The following PALM2AKAP2 variants were observed in gnomAD, a reference collection of about 807,000 sequenced individuals.
PALM2AKAP2 encodes the protein PALM2-AKAP2 fusion protein.
In PALM2AKAP2, 37 loss-of-function variants were observed where a neutral mutation model predicts 71.5. That is an observed-to-expected ratio of 0.52 (90% CI 0.40 to 0.68). The LOEUF is 0.68. Among genes scored for constraint, PALM2AKAP2 ranks in the 30% least tolerant of loss-of-function variants. The pLI, the probability that PALM2AKAP2 is intolerant of heterozygous loss-of-function variation, is 0.00. For missense variants in PALM2AKAP2, 1,224 were observed against 1,191.8 expected (o/e 1.03, Z -0.40); for synonymous variants, 468 against 478.8 (o/e 0.98, Z 0.29).
At chr9:110,065,783 C>T (rs1834065938) in intron 1 of PALM2AKAP2, among the ~76,000 whole-genome samples, 3 of 152,204 alleles carry the variant, frequency 2.0e-5, no homozygotes. Flanking sequence ...ACTCTAGTAA[C>T]CTCATATAAG....
chr9:110,106,238 G>A (rs952957180), intron 1 of PALM2AKAP2, among the ~76,000 whole-genome samples: 14 of 152,208 alleles, frequency 9.2e-5, no homozygotes, highest in African/African-American at 3.4e-4. Context: ...GACCACCCAG[G>A]ATGGTCACAG....
chr9:109,725,492 T>A (rs1260358518), intron 1 of PALM2AKAP2, among the ~76,000 whole-genome samples: 1 of 152,192 alleles, frequency 6.6e-6, no homozygotes, highest in Non-Finnish European at 1.5e-5. Flanking sequence ...CAGCAATTCT[T>A]TTTCTAGGAA....
chr9:109,756,712 C>T (rs1828969401), intron 1 of PALM2AKAP2, among the ~76,000 whole-genome samples: 1 of 152,182 alleles, frequency 6.6e-6, no homozygotes, highest in Non-Finnish European at 1.5e-5. Context: ...ATACTCTATG[C>T]ACTTTACTGG....
At chr9:109,876,911 C>G (rs1829734751) in intron 2 of PALM2AKAP2, among the ~76,000 whole-genome samples, 1 of 151,998 alleles carries the variant, frequency 6.6e-6, no homozygotes, top group South Asian at 2.1e-4. Flanking sequence ...ACCAGAGTCA[C>G]CAGGCTGCTC....
intron 1 of PALM2AKAP2, among the ~76,000 whole-genome samples, chr9:109,843,441 G>A (rs1405475938): frequency 6.6e-6 from 1 of 151,304 alleles, no homozygotes; most frequent in Non-Finnish European, 1.5e-5. Context: ...TGTTTTAAAT[G>A]CCTATTTTGA....
intron 1 of PALM2AKAP2, among the ~76,000 whole-genome samples, chr9:110,106,362 T>C (rs542625520): frequency 6.6e-6 from 1 of 152,312 alleles, no homozygotes; most frequent in South Asian, 2.1e-4. Context: ...GAAGATTCTA[T>C]TAATATTTTA....
At chr9:110,167,112 G>A (rs149403483) in intron 3 of PALM2AKAP2, among the ~76,000 whole-genome samples, 30 of 152,216 alleles carry the variant, frequency 2.0e-4, no homozygotes, top group African/African-American at 2.9e-4. Context: ...TCACTATCAC[G>A]AGAACAGCAT....
At chr9:110,086,085 A>G (rs1288644376) in intron 1 of PALM2AKAP2, among the ~76,000 whole-genome samples, 2 of 150,994 alleles carry the variant, frequency 1.3e-5, no homozygotes, top group Non-Finnish European at 3.0e-5. Flanking sequence ...CCACCTGGGC[A>G]ATAAGAGTGA....
intron 1 of PALM2AKAP2, among the ~76,000 whole-genome samples, chr9:109,718,870 T>C (rs1434282174): frequency 6.6e-6 from 1 of 152,346 alleles, no homozygotes; most frequent in African/African-American, 2.4e-5. Flanking sequence ...AATGGTGTTT[T>C]CCTTTCTTAT....
chr9:109,990,884 G>A (rs62580190), intron 6 of PALM2AKAP2, among the ~76,000 whole-genome samples: 9,055 of 152,294 alleles, frequency 0.059, 433 homozygotes, highest in African/African-American at 0.12. Flanking sequence ...AGAAGACAAC[G>A]TTGAGAGGCT....
intron 1 of PALM2AKAP2, among the ~76,000 whole-genome samples, chr9:109,698,649 C>G (rs1001485938): frequency 6.6e-6 from 1 of 152,198 alleles, no homozygotes; most frequent in Non-Finnish European, 1.5e-5. Context: ...CTCCCTGCCT[C>G]TCACTCCCGC....
chr9:110,023,315 T>C (rs1833109650), intron 7 of PALM2AKAP2, among the ~76,000 whole-genome samples: 2 of 130,428 alleles, frequency 1.5e-5, no homozygotes, highest in Admixed American at 7.6e-5. Context: ...CTTTTTTTTT[T>C]TTTTTTTTTT....
At chr9:109,676,594 A>C (rs1161923121) in intron 1 of PALM2AKAP2, among the ~76,000 whole-genome samples, 2 of 152,162 alleles carry the variant, frequency 1.3e-5, no homozygotes, top group Non-Finnish European at 2.9e-5. Context: ...AGTGATATGG[A>C]TTTGGAAAAC....
At chr9:109,841,544 A>G in intron 1 of PALM2AKAP2, among the ~76,000 whole-genome samples, 1 of 46,586 alleles carries the variant, frequency 2.1e-5, no homozygotes. Flanking sequence ...GGGTGGAGAG[A>G]TGGAGGGGAG....
intron 6 of PALM2AKAP2, among the ~76,000 whole-genome samples, chr9:110,006,319 TC>T (rs1832780785): frequency 1.4e-5 from 2 of 140,852 alleles, no homozygotes; most frequent in African/African-American, 5.6e-5. Context: ...TTTCCTTCCT[TC>T]CTTCTCTTTC....
intron 3 of PALM2AKAP2, among the ~76,000 whole-genome samples, chr9:109,883,532 C>T (rs1175218051): frequency 2.0e-5 from 3 of 152,210 alleles, no homozygotes; most frequent in African/African-American, 7.2e-5. Flanking sequence ...CCCTGGAAGT[C>T]AGCTTCTGCT....
At chr9:109,649,584 T>G (rs1326557393) in intron 1 of PALM2AKAP2, among the ~76,000 whole-genome samples, 1 of 152,216 alleles carries the variant, frequency 6.6e-6, no homozygotes, top group African/African-American at 2.4e-5. Flanking sequence ...TTGGGCTATT[T>G]TTCTGAAATG....
At chr9:109,697,666 T>TA (rs1423886585) in intron 1 of PALM2AKAP2, among the ~76,000 whole-genome samples, 1 of 152,188 alleles carries the variant, frequency 6.6e-6, no homozygotes, top group Non-Finnish European at 1.5e-5. Flanking sequence ...GTCAGTACTC[T>TA]AAATGAAAAA....
chr9:109,870,098 G>A (rs951958469), intron 2 of PALM2AKAP2, among the ~76,000 whole-genome samples: 2 of 152,216 alleles, frequency 1.3e-5, no homozygotes, highest in African/African-American at 4.8e-5. Context: ...GTATGCTGGT[G>A]AGGTGGGGTC....
Sources: gnomAD v4.1 joint callset for allele counts (sites outside exome capture counted in the v4.1 genomes callset) on GRCh38, gnomAD v4.1.1 for gene constraint, MANE v1.5 for transcripts, NCBI Gene and HGNC (gene_info 2026-07-23, HGNC 2026-07-21) for gene names.